SRRM4: variants seen among roughly 807,000 people sequenced by gnomAD.
The protein encoded by SRRM4 is serine/arginine repetitive matrix protein 4.
A neutral mutation model predicts 68.9 loss-of-function variants in SRRM4; 33 were observed. That is an observed-to-expected ratio of 0.48 (90% confidence interval 0.36 to 0.64). SRRM4 has a LOEUF of 0.64. SRRM4 is among the 30% of genes least tolerant of loss of function. The probability of loss-of-function intolerance (pLI) is 0.00; values close to 1 mark genes in which losing one functional copy is unlikely to be tolerated. For missense variants in SRRM4, 817 were observed against 827.1 expected (o/e 0.99, Z 0.15); for synonymous variants, 318 against 318.8 (o/e 1.00, Z 0.03).
intron 1 of SRRM4, among the ~76,000 whole-genome samples, chr12:119,029,097 AC>A (rs1953569579): frequency 6.6e-6 from 1 of 152,210 alleles, no homozygotes; most frequent in Non-Finnish European, 1.5e-5. Flanking sequence ...GAAATAACTC[AC>A]AATATCTTTT....
intron 1 of SRRM4, among the ~76,000 whole-genome samples, chr12:119,026,087 T>C (rs1278203349): frequency 1.3e-5 from 2 of 151,970 alleles, no homozygotes; most frequent in Admixed American, 6.6e-5. Flanking sequence ...GTTGAAGATC[T>C]GGGCGGTAGA....
Position 119,154,943 on chromosome 12 carries a change from C to T in SRRM4, c.1532+560C>T, listed in dbSNP as rs1954463192. ...GAGCCACGGTGGATAAGCCGGAGAGCACTGGATGTGGATTGGAATCCTGAA... is the reference window on the plus strand; with the variant it reads ...GAGCCACGGTGGATAAGCCGGAGAGTACTGGATGTGGATTGGAATCCTGAA... On this transcript the variant is annotated intron_variant, in intron 12 of 12. Coordinates refer to ENST00000267260, the MANE Select transcript of SRRM4 (RefSeq NM_194286.4). The surrounding 1 kb of genome is among the most constrained non-coding windows in gnomAD (Gnocchi z 4.7). Among the ~76,000 whole-genome samples, 2 of 152,198 alleles carry T rather than the reference C, an allele frequency of 1.3e-5. No individual in the cohort carries two copies. The highest frequency in any genetic ancestry group is 1.5e-5 in the Non-Finnish European group (1 of 68,040).
At chr12:119,055,418 A>G (rs892544265) in intron 1 of SRRM4, among the ~76,000 whole-genome samples, 4 of 152,034 alleles carry the variant, frequency 2.6e-5, no homozygotes, top group Non-Finnish European at 4.4e-5. Flanking sequence ...CAGGGTTTCC[A>G]TAAGAAGCAT....
intron 9 of SRRM4, among the ~76,000 whole-genome samples, chr12:119,148,929 A>C (rs1485500980): frequency 6.6e-6 from 1 of 152,086 alleles, no homozygotes; most frequent in Non-Finnish European, 1.5e-5. Context: ...TAGACACTGA[A>C]GGTAGGGAGC....
intron 1 of SRRM4, among the ~76,000 whole-genome samples, chr12:119,067,150 A>T (rs1212208849): frequency 7.4e-5 from 11 of 148,572 alleles, no homozygotes; most frequent in Admixed American, 6.7e-5. Flanking sequence ...ACTTTCCTTC[A>T]TTTTTTTTTT....
rs59220744 is a variant in SRRM4, at chr12:119,138,285, G to A, written c.772-7096G>A. Among the ~76,000 whole-genome samples, 938 of 152,274 alleles carry A rather than the reference G, an allele frequency of 6.2e-3. 11 individuals are homozygous for A. Among genetic ancestry groups the A allele is most frequent in the African/African-American group, 0.022 (897 of 41,560 alleles). ...TTCCTGACATACTAAGGGAGCTAAC[G>A]AAAGCATGTCTGAAACAAAGCATAA... On this transcript the variant is annotated intron_variant, in intron 8 of 12. Coordinates refer to ENST00000267260, the MANE Select transcript of SRRM4 (RefSeq NM_194286.4).
At chr12:119,012,384 AT>A in intron 1 of SRRM4, among the ~76,000 whole-genome samples, 1 of 152,234 alleles carries the variant, frequency 6.6e-6, no homozygotes, top group East Asian at 1.9e-4. Context: ...CCGAGAGGAT[AT>A]CCCCTGACTT....
intron 1 of SRRM4, among the ~76,000 whole-genome samples, chr12:119,013,355 T>G (rs146713057): frequency 1.1e-4 from 17 of 152,330 alleles, no homozygotes; most frequent in African/African-American, 4.1e-4. Flanking sequence ...TCAAATGATA[T>G]GATTTTCAGA....
At chr12:119,065,289 T>C (rs373813986) in intron 1 of SRRM4, among the ~76,000 whole-genome samples, 2 of 152,132 alleles carry the variant, frequency 1.3e-5, no homozygotes, top group South Asian at 4.1e-4. Context: ...CTGCCCTCCA[T>C]CAAAAATGTA....
At chr12:118,992,640 G>A (rs1278504502) in intron 1 of SRRM4, among the ~76,000 whole-genome samples, 1 of 152,160 alleles carries the variant, frequency 6.6e-6, no homozygotes, top group East Asian at 1.9e-4. Context: ...AGGAACGAGA[G>A]GCCATCATCA....
chr12:119,003,011 C>G (rs77702149), intron 1 of SRRM4, among the ~76,000 whole-genome samples: 4,255 of 151,940 alleles, frequency 0.028, 219 homozygotes, highest in African/African-American at 0.097. Flanking sequence ...GTTGAGAAAC[C>G]TGGAGCTCAG....
chr12:119,007,676 T>G (rs1299209642), intron 1 of SRRM4, among the ~76,000 whole-genome samples: 1 of 152,186 alleles, frequency 6.6e-6, no homozygotes, highest in Non-Finnish European at 1.5e-5. Context: ...TTGCGCAAGG[T>G]CACACAGCTT....
At chr12:119,137,614 GA>G (rs1954338325) in intron 8 of SRRM4, among the ~76,000 whole-genome samples, 1 of 151,490 alleles carries the variant, frequency 6.6e-6, no homozygotes, top group African/African-American at 2.4e-5. Context: ...GAGAGAGAGA[GA>G]GAGAGAGAGA....
At chr12:119,110,351 A>T (rs1170879036) in intron 2 of SRRM4, among the ~76,000 whole-genome samples, 1 of 152,034 alleles carries the variant, frequency 6.6e-6, no homozygotes, top group African/African-American at 2.4e-5. Flanking sequence ...TATCTTCAAA[A>T]CTGTCAGACA....
chr12:119,070,214 T>G (rs1953869086), intron 1 of SRRM4, among the ~76,000 whole-genome samples: 3 of 42,910 alleles, frequency 7.0e-5, no homozygotes, highest in Admixed American at 2.2e-4. Context: ...TTCACACAGG[T>G]GAGAAAAAAA....
At chr12:119,004,422 T>G (rs2135994724) in intron 1 of SRRM4, among the ~76,000 whole-genome samples, 1 of 151,934 alleles carries the variant, frequency 6.6e-6, no homozygotes, top group Non-Finnish European at 1.5e-5. Flanking sequence ...GTCCAAGGGG[T>G]TTAAGAAAGT....
chr12:119,099,212 G>C (rs1210565177), intron 1 of SRRM4, among the ~76,000 whole-genome samples: 1 of 152,116 alleles, frequency 6.6e-6, no homozygotes, highest in East Asian at 1.9e-4. Flanking sequence ...TCAGCTCACT[G>C]CAACCTCTGC....
In SRRM4 at chr12:119,153,653, C is replaced by T. The variant is rs1264056984; in HGVS notation, c.1391+4C>T. Reference sequence around the variant, plus strand: ...ACTCCCGCTACAGCCCCAGCAGGTACCGGCCCCGCCCCTCAAACTAGGCCC... The same window carrying T: ...ACTCCCGCTACAGCCCCAGCAGGTATCGGCCCCGCCCCTCAAACTAGGCCC... On this transcript the variant is annotated splice_donor_region_variant and intron_variant, in intron 11 of 12. Coordinates refer to ENST00000267260, the MANE Select transcript of SRRM4 (RefSeq NM_194286.4). 1.9e-6 allele frequency: 3 copies of T among 1,545,428 alleles called. No homozygotes were observed. Among genetic ancestry groups the T allele is most frequent in the East Asian group, 2.4e-5 (1 of 41,008 alleles).
At chr12:119,102,536 T>C (rs1272777515) in intron 2 of SRRM4, among the ~76,000 whole-genome samples, 154 bp downstream of exon 2, 1 of 152,198 alleles carries the variant, frequency 6.6e-6, no homozygotes, top group African/African-American at 2.4e-5. Flanking sequence ...CAGAAATATT[T>C]TAAGTTTGTA....
Sources: allele counts gnomAD v4.1 joint callset (sites outside exome capture counted in the v4.1 genomes callset), GRCh38; gene constraint gnomAD v4.1.1; non-coding constraint Gnocchi (gnomAD v3.1); transcripts MANE v1.5; gene names NCBI Gene and HGNC (gene_info 2026-07-23, HGNC 2026-07-21).